The following PCDHA4 variants were observed in gnomAD, a reference collection of about 807,000 sequenced individuals.
PCDHA4 encodes protocadherin alpha-4.
In PCDHA4, 49 loss-of-function variants were observed where a neutral mutation model predicts 61.4. That is an observed-to-expected ratio of 0.80 (90% CI 0.63 to 1.01). The LOEUF (loss-of-function observed/expected upper bound fraction) is 1.01, where lower values mean the gene tolerates loss of function less well. PCDHA4 is among the 50% of genes least tolerant of loss of function. The pLI, the probability that PCDHA4 is intolerant of heterozygous loss-of-function variation, is 0.00. For synonymous variants in PCDHA4, 590 were observed against 550.3 expected (o/e 1.07, Z -1.01); for missense variants, 1,254 against 1,235.8 (o/e 1.01, Z -0.22).
At position 140,834,737 on chromosome 5, in the gene PCDHA4, T is replaced by G. The variant is rs2150225179; in HGVS notation, c.2385+25165T>G. ...TGGAAAGGCCGCTGCAGGTTTTCCATGTGGACGTGGAGGTGAAGGACATTA... is the reference window on the plus strand; with the variant it reads ...TGGAAAGGCCGCTGCAGGTTTTCCAGGTGGACGTGGAGGTGAAGGACATTA... On this transcript the variant is annotated intron_variant, in intron 1 of 3. Coordinates refer to ENST00000530339, the MANE Select transcript of PCDHA4 (RefSeq NM_018907.4). The G allele has an allele frequency of 1.1e-5, 18 of 1,614,112 alleles. No homozygotes were observed. The East Asian group carries it at 4.0e-4, about 36-fold the overall frequency.
At chr5:140,837,594 T>C (rs910412595) in intron 1 of PCDHA4, among the ~76,000 whole-genome samples, 2 of 151,720 alleles carry the variant, frequency 1.3e-5, no homozygotes, top group Admixed American at 6.6e-5. Flanking sequence ...AAATCGCCAA[T>C]ATATATATTT....
In PCDHA4 at chr5:140,807,998, G is replaced by T. The variant is rs782760377; in HGVS notation, c.811G>T (p.Glu271Ter). The change falls in exon 1 of 4, where the codon GAA becomes TAA. Residue 271 changes from glutamate to a stop codon, truncating the protein, a stop_gained. Transcript: ENST00000530339. LOFTEE classifies it high-confidence loss of function. ...VIKLNASDLD[E>*]GLNGDIVYSF... Reference sequence around the variant, plus strand: ...TAAACTTAACGCCTCAGATTTAGACGAAGGATTGAATGGGGACATTGTTTA... The same window carrying T: ...TAAACTTAACGCCTCAGATTTAGACTAAGGATTGAATGGGGACATTGTTTA... The T allele has an allele frequency of 1.2e-6, 2 of 1,613,588 alleles. No homozygotes were observed. The highest frequency in any genetic ancestry group is 2.2e-5 in the East Asian group (1 of 44,888).
chr5:140,910,528 T>A (rs2153515102), intron 1 of PCDHA4, among the ~76,000 whole-genome samples: 1 of 152,314 alleles, frequency 6.6e-6, no homozygotes, highest in African/African-American at 2.4e-5. Flanking sequence ...GGTACTCCCC[T>A]CACAAATCTA....
Position 140,969,340 on chromosome 5 carries a change from G to A in PCDHA4, c.2386-9609G>A, listed in dbSNP as rs1262555926. 6 of 1,613,738 alleles carry A rather than the reference G, an allele frequency of 3.7e-6. No homozygotes were observed. The African/African-American group carries it at 5.3e-5, about 14-fold the overall frequency. On this transcript the variant is annotated intron_variant, in intron 1 of 3. Coordinates refer to ENST00000530339, the MANE Select transcript of PCDHA4 (RefSeq NM_018907.4). The stretch of plus-strand genomic sequence containing the variant: ...CTGTTTCTCAAAATGAGGTGAGACA[G>A]TGGTCAGGGGGTCTTCTACAAACTC...
At chr5:140,866,291 T>A (rs1193667769) in intron 1 of PCDHA4, 1 of 152,138 alleles carries the variant, frequency 6.6e-6, no homozygotes, top group Non-Finnish European at 1.5e-5. Flanking sequence ...TTGGGACAAG[T>A]ATAGATGTTG....
rs782006132 is a variant in PCDHA4, at chr5:140,807,180, C to T, written c.-8C>T. 6.2e-7 allele frequency: 1 copy of T among 1,611,714 alleles called. No homozygotes were observed. Among genetic ancestry groups the T allele is most frequent in the South Asian group, 1.1e-5 (1 of 90,760 alleles). ...TATTTAATCAGAACAAAATACTGTGCACTAAAGATGGAGTTTTCCTGGGGA... is the reference window on the plus strand; with the variant it reads ...TATTTAATCAGAACAAAATACTGTGTACTAAAGATGGAGTTTTCCTGGGGA... On this transcript the variant is annotated 5_prime_UTR_variant, in exon 1 of 4. Coordinates refer to ENST00000530339, the MANE Select transcript of PCDHA4 (RefSeq NM_018907.4).
intron 1 of PCDHA4, among the ~76,000 whole-genome samples, chr5:140,975,986 G>C (rs1554237183): frequency 6.6e-6 from 1 of 152,112 alleles, no homozygotes; most frequent in East Asian, 1.9e-4. Context: ...ATAGTCCTGG[G>C]AGGTACCATC....
intron 3 of PCDHA4, among the ~76,000 whole-genome samples, chr5:141,006,898 C>A (rs2098293427): frequency 6.6e-6 from 1 of 152,152 alleles, no homozygotes; most frequent in East Asian, 1.9e-4. Context: ...TTTCAGATTT[C>A]TTCAGTTTGG....
chr5:140,844,241 C>T (rs1267423212), intron 1 of PCDHA4, among the ~76,000 whole-genome samples: 3 of 149,082 alleles, frequency 2.0e-5, no homozygotes, highest in African/African-American at 7.4e-5. Flanking sequence ...TCACTATTGC[C>T]GTTTTAAGCA....
chr5:140,948,542 C>A (rs141026678), intron 1 of PCDHA4, among the ~76,000 whole-genome samples: 66 of 151,648 alleles, frequency 4.4e-4, no homozygotes, highest in African/African-American at 1.5e-3. Flanking sequence ...ATTTCATGCT[C>A]TGTCAATTTT....
chr5:140,877,021 G>A, intron 1 of PCDHA4: 1 of 1,612,514 alleles, frequency 6.2e-7, no homozygotes, highest in Non-Finnish European at 8.5e-7. Context: ...GAGCGGCAAG[G>A]TGTACGCGCT....
chr5:140,856,435 G>T, intron 1 of PCDHA4: 3 of 1,598,320 alleles, frequency 1.9e-6, no homozygotes, highest in Non-Finnish European at 2.6e-6. Flanking sequence ...ACGACAACCC[G>T]CCCAGGTTCT....
intron 1 of PCDHA4, chr5:140,968,828 C>T (rs1404451202): frequency 6.2e-7 from 1 of 1,614,198 alleles, no homozygotes; most frequent in South Asian, 1.1e-5. Context: ...TTCCAAAATC[C>T]TCCCTGACAC....
At chr5:140,843,505 T>A (rs2150361332) in intron 1 of PCDHA4, 2 of 1,595,718 alleles carry the variant, frequency 1.3e-6, no homozygotes, top group Admixed American at 1.7e-5. Context: ...CACTGCCCAC[T>A]GAGGGCGGGT....
intron 1 of PCDHA4, chr5:140,876,311 G>A: frequency 1.2e-6 from 2 of 1,613,954 alleles, no homozygotes; most frequent in East Asian, 2.2e-5. Flanking sequence ...ATTTCCTATG[G>A]GATCAAAATG....
At chr5:141,004,657 G>A (rs565994909) in intron 3 of PCDHA4, among the ~76,000 whole-genome samples, 1 of 152,262 alleles carries the variant, frequency 6.6e-6, no homozygotes, top group Admixed American at 6.5e-5. Context: ...TGGGCTCTGA[G>A]GGCAACTAAA....
intron 1 of PCDHA4, chr5:140,870,649 G>T (rs533111347): frequency 1.2e-6 from 2 of 1,612,592 alleles, no homozygotes; most frequent in Non-Finnish European, 1.7e-6. Flanking sequence ...GAGCGGCAAG[G>T]TGTACGCGCT....
At chr5:140,881,867 G>A (rs2058853547) in intron 1 of PCDHA4, among the ~76,000 whole-genome samples, 1 of 152,166 alleles carries the variant, frequency 6.6e-6, no homozygotes, top group Non-Finnish European at 1.5e-5. Flanking sequence ...TAAATTTGTG[G>A]CAAAATGAAA....
chr5:140,871,361 G>C (rs1554165481), intron 1 of PCDHA4: 4 of 1,614,220 alleles, frequency 2.5e-6, no homozygotes, highest in South Asian at 2.2e-5. Flanking sequence ...TCGCAGCAGA[G>C]GCGGCAGAGG....
Sources: allele counts gnomAD v4.1 joint callset (sites outside exome capture counted in the v4.1 genomes callset), GRCh38; gene constraint gnomAD v4.1.1; transcripts MANE v1.5; gene names NCBI Gene and HGNC (gene_info 2026-07-23, HGNC 2026-07-21).